The following ATP12A variants were observed in gnomAD, a reference collection of about 807,000 sequenced individuals.
The protein encoded by ATP12A is potassium-transporting ATPase alpha chain 2.
Under a neutral mutation model 111.2 loss-of-function variants are expected in ATP12A, and 81 were observed. That is an observed-to-expected ratio of 0.73 (90% CI 0.61 to 0.88). The LOEUF (loss-of-function observed/expected upper bound fraction) is 0.88, where lower values mean the gene tolerates loss of function less well. Among genes scored for constraint, ATP12A ranks in the 40% least tolerant of loss-of-function variants. The pLI is 0.00. For missense variants in ATP12A, 1,196 were observed against 1,313.1 expected, an observed-to-expected ratio of 0.91 and a Z score of 1.38; for synonymous variants, 498 against 499.8, an observed-to-expected ratio of 1.00 and a Z score of 0.05.
intron 17 of ATP12A, 85 bp from the exon 18 acceptor site, chr13:24,709,279 G>GCCCCCCCCCCCCCCCCCCC: frequency 1.4e-5 from 3 of 211,218 alleles, no homozygotes; most frequent in Non-Finnish European, 1.8e-5. Flanking sequence ...TCCAGCCAGT[G>GCCCCCCCCCCCCCCCCCCC]CCCCACCCAC....
intron 17 of ATP12A, among the ~76,000 whole-genome samples, chr13:24,707,684 CT>C (rs1322980963): frequency 2.0e-5 from 3 of 152,146 alleles, no homozygotes; most frequent in East Asian, 1.9e-4. Flanking sequence ...CTATAGTGAG[CT>C]TTTTTTTCTT....
intron 5 of ATP12A, among the ~76,000 whole-genome samples, chr13:24,689,817 C>G (rs991443278): frequency 3.3e-5 from 5 of 152,156 alleles, no homozygotes; most frequent in Admixed American, 2.6e-4. Flanking sequence ...CTGTCTCTGG[C>G]CCAGAGAACT....
chr13:24,700,627 G>A (rs1172596923), intron 12 of ATP12A, 120 bp from the exon 13 acceptor site: 1 of 832,796 alleles, frequency 1.2e-6, no homozygotes, highest in African/African-American at 1.7e-5. Flanking sequence ...AAACAATTCT[G>A]GCTTATTCTA....
At chr13:24,693,027 C>A in intron 10 of ATP12A, 131 bp downstream of exon 10, 1 of 780,998 alleles carries the variant, frequency 1.3e-6, no homozygotes, top group Non-Finnish European at 2.1e-6. Flanking sequence ...GCAAGTCAGA[C>A]TCACAAGACA....
chr13:24,699,948 T>C (rs1875321728), intron 12 of ATP12A, among the ~76,000 whole-genome samples: 1 of 152,244 alleles, frequency 6.6e-6, no homozygotes, highest in African/African-American at 2.4e-5. Flanking sequence ...GAGATGGTGA[T>C]GCTTTAGGCA....
chr13:24,708,822 GAGAA>G (rs1269248462), intron 17 of ATP12A, among the ~76,000 whole-genome samples: 1 of 149,278 alleles, frequency 6.7e-6, no homozygotes, highest in East Asian at 2.0e-4. Flanking sequence ...AAGAAAGAAA[GAGAA>G]AGAGAGAAAG....
At chr13:24,706,229 G>C in intron 14 of ATP12A, 84 bp from the exon 15 acceptor site, 1 of 1,542,804 alleles carries the variant, frequency 6.5e-7, no homozygotes, top group Non-Finnish European at 8.8e-7. Context: ...AGTCAGAGAG[G>C]CTTCAGCCAG....
intron 21 of ATP12A, 54 bp downstream of exon 21, chr13:24,710,947 T>C (rs754496661): frequency 2.6e-6 from 4 of 1,514,476 alleles, no homozygotes; most frequent in Non-Finnish European, 3.7e-6. Context: ...CTTTGAGCTG[T>C]CGCAGCCTAA....
intron 10 of ATP12A, 96 bp from the exon 11 acceptor site, chr13:24,694,348 G>C: frequency 6.9e-7 from 1 of 1,455,432 alleles, no homozygotes; most frequent in Non-Finnish European, 9.4e-7. Flanking sequence ...CAGCTAGGTG[G>C]TAATGGGATC....
chr13:24,694,327 T>C, intron 10 of ATP12A, 117 bp from the exon 11 acceptor site: 1 of 1,324,546 alleles, frequency 7.5e-7, no homozygotes, highest in Non-Finnish European at 1.0e-6. Context: ...GATCACGTGA[T>C]AATGTCTCTC....
rs368025802 is a variant in ATP12A, at chr13:24,698,682, C to T, written c.1537C>T (p.Pro513Ser). 6.2e-6 allele frequency: 10 copies of T among 1,613,596 alleles called. No homozygotes were observed. Among genetic ancestry groups the T allele is most frequent in the African/African-American group, 1.3e-5 (1 of 74,926 alleles). The change falls in exon 12 of 23, where the codon CCC (proline) becomes TCC (serine). Residue 513 changes from proline (P) to serine (S), a missense_variant. Around this residue, in one of 3 missense-constraint regions of ATP12A, gnomAD observed 1,126 missense variants for 1,228.5 expected, o/e 0.92. Transcript: ENST00000381946. The part of the protein sequence containing the change: ...FQLSIHEMDD[P>S]HGKRFLMVMK... ...GCTCTCCATCCACGAGATGGATGAC[C>T]CCCACGGCAAGCGCTTCCTCATGGT...
intron 17 of ATP12A, among the ~76,000 whole-genome samples, chr13:24,708,784 G>C (rs1875775099): frequency 6.6e-6 from 1 of 150,762 alleles, no homozygotes; most frequent in Admixed American, 6.6e-5. Flanking sequence ...GAAATAGGTT[G>C]TACACCCATT....
rs1346672400 is a variant in ATP12A at position 24,710,552 on chromosome 13, G to A, written c.2856G>A (p.Arg952=). ...AGCAAATAGCAGATCTGATCATCAG[G>A]AAAACCCGGAGGAATTCCATCTTCC... ...LVQQIADLII[R]KTRRNSIFQQ... The change falls in exon 20 of 23, where the codon AGG becomes AGA. Residue 952 remains arginine (R), a synonymous_variant. Coordinates refer to ENST00000381946, the MANE Select transcript of ATP12A (RefSeq NM_001676.7). 2 of 1,614,106 alleles carry A rather than the reference G, an allele frequency of 1.2e-6. No individual in the cohort carries two copies. Among genetic ancestry groups the A allele is most frequent in the East Asian group, 2.2e-5 (1 of 44,894 alleles).
At position 24,703,250 on chromosome 13, in the gene ATP12A, GTTTGTTTA is replaced by G. The variant is rs981589842; in HGVS notation, c.2018+1183_2018+1190del. On this transcript the variant is annotated intron_variant, in intron 14 of 22. Transcript: ENST00000381946. ...TTAAACAAATTTTGTTTGTTTGTTT[GTTTGTTTA>G]TTTAGACAGAGTCTCTCTCTGTCAC... Among the ~76,000 whole-genome samples, 19 of 152,164 alleles carry G rather than the reference GTTTGTTTA, an allele frequency of 1.2e-4. 2 individuals carry two copies. The highest frequency in any genetic ancestry group is 4.1e-4 in the African/African-American group (17 of 41,504).
At chr13:24,682,200 A>G (rs117110150) in intron 2 of ATP12A, among the ~76,000 whole-genome samples, 12 of 40,304 alleles carry the variant, frequency 3.0e-4, no homozygotes, top group African/African-American at 5.3e-4. Flanking sequence ...TGTGGTATAT[A>G]TGTGTGTGGT....
At chr13:24,711,040 T>G in intron 21 of ATP12A, 147 bp downstream of exon 21, 3 of 818,990 alleles carry the variant, frequency 3.7e-6, no homozygotes, top group Non-Finnish European at 5.7e-6. Flanking sequence ...GCCCAAAGCT[T>G]TGATCTGCAT....
intron 11 of ATP12A, among the ~76,000 whole-genome samples, chr13:24,697,819 T>C (rs1025107188): frequency 2.0e-5 from 3 of 151,844 alleles, no homozygotes; most frequent in African/African-American, 7.3e-5. Context: ...GGTAACCCTA[T>C]TTGCCCTATA....
chr13:24,693,319 A>G (rs1196166452), intron 10 of ATP12A, among the ~76,000 whole-genome samples: 1 of 152,012 alleles, frequency 6.6e-6, no homozygotes, highest in African/African-American at 2.4e-5. Context: ...ATCGGAACAT[A>G]CAATAAACTC....
intron 11 of ATP12A, among the ~76,000 whole-genome samples, chr13:24,697,668 GAA>G (rs1256889088): frequency 6.8e-6 from 1 of 148,110 alleles, no homozygotes; most frequent in African/African-American, 2.5e-5. Context: ...ATTTAAGAGA[GAA>G]AGAGAGAAAG....
Sources: gnomAD v4.1 joint callset for allele counts (sites outside exome capture counted in the v4.1 genomes callset) on GRCh38, gnomAD v4.1.1 for gene constraint, gnomAD v4.1.1 regional missense constraint, MANE v1.5 for transcripts, NCBI Gene and HGNC (gene_info 2026-07-23, HGNC 2026-07-21) for gene names.